The following PDGFD variants were observed in gnomAD, a reference collection of about 807,000 sequenced individuals.
PDGFD encodes platelet-derived growth factor D.
PDGFD carries 30 observed loss-of-function variants against 44.7 expected under a neutral mutation model. That is an observed-to-expected ratio of 0.67 (90% confidence interval 0.50 to 0.91). The LOEUF is 0.91. Ranked by LOEUF, PDGFD falls within the 40% of genes least tolerant of loss-of-function variation. PDGFD has a pLI of 0.00. For missense variants in PDGFD, 445 were observed against 457.8 expected (o/e 0.97, Z 0.25); for synonymous variants, 173 against 168.4 (o/e 1.03, Z -0.21).
rs1456352418 is a variant in PDGFD at position 103,934,784 on chromosome 11, T to C, written c.773-7658A>G. Among the ~76,000 whole-genome samples, 4 of 152,256 alleles carry C rather than the reference T, an allele frequency of 2.6e-5. No individual in the cohort carries two copies. The East Asian group carries it at 7.7e-4, about 29-fold the overall frequency. ...ATGATTCAATTATCTCCATCTTGTT[T>C]CTCCCTTGACATGTGGGGATTATGG... On this transcript the variant is annotated intron_variant, in intron 5 of 6. Coordinates refer to ENST00000393158, the MANE Select transcript of PDGFD (RefSeq NM_025208.5).
At chr11:103,971,498 C>A (rs1454998444) in intron 3 of PDGFD, among the ~76,000 whole-genome samples, 1 of 151,954 alleles carries the variant, frequency 6.6e-6, no homozygotes, top group Non-Finnish European at 1.5e-5. Flanking sequence ...ACTAAATTTT[C>A]TCTTACATGA....
chr11:104,061,245 C>T (rs1591144415), intron 1 of PDGFD, among the ~76,000 whole-genome samples: 1 of 151,656 alleles, frequency 6.6e-6, no homozygotes, highest in African/African-American at 2.4e-5. Context: ...TAATTCTTAG[C>T]CATGACATTA....
intron 1 of PDGFD, among the ~76,000 whole-genome samples, chr11:104,068,350 A>G (rs1024582976): frequency 1.3e-5 from 2 of 152,138 alleles, no homozygotes; most frequent in Non-Finnish European, 2.9e-5. Context: ...AAATGAGGGA[A>G]TGTATTTCCA....
At chr11:104,039,511 C>G (rs1343251096) in intron 1 of PDGFD, among the ~76,000 whole-genome samples, 5 of 152,092 alleles carry the variant, frequency 3.3e-5, no homozygotes, top group African/African-American at 1.2e-4. Context: ...CCTTTCTAGC[C>G]ACCATCAGTT....
At chr11:104,027,170 A>G (rs917222475) in intron 1 of PDGFD, among the ~76,000 whole-genome samples, 1 of 152,192 alleles carries the variant, frequency 6.6e-6, no homozygotes, top group Non-Finnish European at 1.5e-5. Context: ...TATTTATTCA[A>G]CCTTTGAAAG....
chr11:104,002,152 G>A (rs1015405445), intron 1 of PDGFD, among the ~76,000 whole-genome samples: 1 of 152,168 alleles, frequency 6.6e-6, no homozygotes, highest in Non-Finnish European at 1.5e-5. Context: ...TGCTCGTTGA[G>A]TCTTTTCCCT....
Position 104,162,827 on chromosome 11 carries a change from G to A in PDGFD, c.124+977C>T, listed in dbSNP as rs528841973. On this transcript the variant is annotated intron_variant, in intron 1 of 6. Coordinates refer to ENST00000393158, the MANE Select transcript of PDGFD (RefSeq NM_025208.5). ...TTGCTTGATGGTCTCCTTGGGAGAT[G>A]TGTTAGTACTTTAAGCAAGCAGGAG... 1.1e-4 allele frequency among the ~76,000 whole-genome samples: 16 copies of A among 152,254 alleles called. 1 individual carries two copies. In the South Asian group the frequency reaches 2.7e-3, roughly 26 times the overall value.
intron 3 of PDGFD, among the ~76,000 whole-genome samples, chr11:103,977,530 T>G (rs1232730991): frequency 6.6e-6 from 1 of 152,070 alleles, no homozygotes; most frequent in East Asian, 1.9e-4. Context: ...TTGGTTTAAC[T>G]CTTCTTTAAA....
intron 6 of PDGFD, among the ~76,000 whole-genome samples, chr11:103,925,659 C>CTCTATGTGTGTGTGTCTGTG (rs1357136226): frequency 1.4e-5 from 2 of 144,706 alleles, no homozygotes; most frequent in Non-Finnish European, 3.0e-5. Flanking sequence ...CTCTCTCTCT[C>CTCTATGTGTGTGTGTCTGTG]TCTATGTGTG....
At chr11:104,102,144 T>G (rs1338971408) in intron 1 of PDGFD, among the ~76,000 whole-genome samples, 1 of 152,140 alleles carries the variant, frequency 6.6e-6, no homozygotes, top group Non-Finnish European at 1.5e-5. Flanking sequence ...ACAGGCAACC[T>G]ACAGAATGGG....
chr11:103,989,444 T>C (rs1357279692), intron 3 of PDGFD, among the ~76,000 whole-genome samples: 5 of 152,218 alleles, frequency 3.3e-5, no homozygotes, highest in African/African-American at 9.6e-5. Flanking sequence ...GGGGTTCTGG[T>C]ACATACATTT....
intron 1 of PDGFD, among the ~76,000 whole-genome samples, chr11:104,082,985 C>T (rs566662429): frequency 2.0e-5 from 3 of 152,232 alleles, no homozygotes; most frequent in African/African-American, 4.8e-5. Flanking sequence ...GGCCAAAGTA[C>T]GGTCACCATC....
At chr11:103,969,575 G>T (rs987214604) in intron 3 of PDGFD, among the ~76,000 whole-genome samples, 1 of 146,418 alleles carries the variant, frequency 6.8e-6, no homozygotes, top group Non-Finnish European at 1.5e-5. Context: ...TTTATTTTAG[G>T]GCTGTGTGAA....
chr11:103,935,825 T>C (rs1206633698), intron 5 of PDGFD, among the ~76,000 whole-genome samples: 1 of 152,210 alleles, frequency 6.6e-6, no homozygotes, highest in Non-Finnish European at 1.5e-5. Context: ...AAAGTGCTTA[T>C]AATTAGAGCC....
chr11:104,103,148 TC>T (rs928294584), intron 1 of PDGFD, among the ~76,000 whole-genome samples: 5 of 152,212 alleles, frequency 3.3e-5, no homozygotes, highest in African/African-American at 1.2e-4. Flanking sequence ...GACTTAGTTT[TC>T]CCCATTTGTA....
At chr11:104,043,175 A>T (rs773112352) in intron 1 of PDGFD, among the ~76,000 whole-genome samples, 1 of 152,190 alleles carries the variant, frequency 6.6e-6, no homozygotes, top group East Asian at 1.9e-4. Context: ...AGTAGAGGGA[A>T]TGGTTCCTGC....
intron 6 of PDGFD, among the ~76,000 whole-genome samples, chr11:103,922,639 T>G (rs1213303422): frequency 6.6e-6 from 1 of 152,184 alleles, no homozygotes; most frequent in Non-Finnish European, 1.5e-5. Flanking sequence ...AACCTTGAAC[T>G]CCTGGGCTCA....
intron 3 of PDGFD, among the ~76,000 whole-genome samples, chr11:103,963,753 A>G (rs1044702357): frequency 2.0e-5 from 3 of 152,200 alleles, no homozygotes; most frequent in African/African-American, 7.2e-5. Flanking sequence ...TCTTAAGAGG[A>G]CAAGACCTTT....
intron 6 of PDGFD, among the ~76,000 whole-genome samples, chr11:103,917,874 A>G (rs1218203533): frequency 6.6e-6 from 1 of 152,106 alleles, no homozygotes; most frequent in Admixed American, 6.6e-5. Context: ...CTTTGCTTGA[A>G]CTTTTGTCCT....
Sources: allele counts gnomAD v4.1 joint callset (sites outside exome capture counted in the v4.1 genomes callset), GRCh38; gene constraint gnomAD v4.1.1; transcripts MANE v1.5; gene names NCBI Gene and HGNC (gene_info 2026-07-23, HGNC 2026-07-21).